Variants in CACNA2D3 observed in about 807,000 individuals in gnomAD.
CACNA2D3 encodes voltage-dependent calcium channel subunit alpha-2/delta-3.
In CACNA2D3, 60 loss-of-function variants were observed where a neutral mutation model predicts 160.6. The ratio of observed to expected loss-of-function variants is 0.37; its 90% CI spans 0.30 to 0.46. The LOEUF is 0.46. Among genes scored for constraint, CACNA2D3 ranks in the 20% least tolerant of loss-of-function variants. The probability of loss-of-function intolerance (pLI) is 1.00; values close to 1 mark genes in which losing one functional copy is unlikely to be tolerated. For synonymous variants in CACNA2D3, 558 were observed against 492.9 expected, an observed-to-expected ratio of 1.13 and a Z score of -1.75; for missense variants, 1,205 against 1,365.0, an observed-to-expected ratio of 0.88 and a Z score of 1.85.
intron 11 of CACNA2D3, among the ~76,000 whole-genome samples, chr3:54,715,435 GT>G (rs1559556830): frequency 6.6e-6 from 1 of 152,058 alleles, no homozygotes; most frequent in African/African-American, 2.4e-5. Flanking sequence ...TTGAGACTGA[GT>G]TTTTTATGAA....
chr3:54,434,985 A>G (rs1700039876), intron 4 of CACNA2D3, among the ~76,000 whole-genome samples: 1 of 152,130 alleles, frequency 6.6e-6, no homozygotes, highest in African/African-American at 2.4e-5. Flanking sequence ...CATACTTCTA[A>G]TGGACATGTA....
At chr3:54,855,987 C>T (rs1252527628) in intron 17 of CACNA2D3, among the ~76,000 whole-genome samples, 1 of 152,170 alleles carries the variant, frequency 6.6e-6, no homozygotes, top group East Asian at 1.9e-4. Flanking sequence ...GTCCCCATTC[C>T]TCAAGTCTTC....
intron 5 of CACNA2D3, among the ~76,000 whole-genome samples, chr3:54,507,237 T>C (rs1199315617): frequency 6.6e-6 from 1 of 152,202 alleles, no homozygotes; most frequent in African/African-American, 2.4e-5. Flanking sequence ...TGTATTTCAC[T>C]GTTTTTATTC....
At chr3:54,354,237 C>T (rs1698611637) in intron 3 of CACNA2D3, among the ~76,000 whole-genome samples, 2 of 152,158 alleles carry the variant, frequency 1.3e-5, no homozygotes, top group South Asian at 2.1e-4. Context: ...TATGAGTCTG[C>T]TGCAAACACC....
rs536400069 is a variant in CACNA2D3 at position 54,222,177 on chromosome 3, C to T, written c.205-98265C>T. On this transcript the variant is annotated intron_variant, in intron 2 of 37. Transcript: ENST00000474759. ...TATAAGGAATGGGCTTATGCAATTA[C>T]GGAGGCTGACAAGTTTCAAGATCTG... 1.4e-3 allele frequency among the ~76,000 whole-genome samples: 209 copies of T among 152,298 alleles called. 3 individuals carry two copies. The highest frequency in any genetic ancestry group is 2.2e-3 in the Admixed American group (33 of 15,304).
At chr3:55,065,406 T>C (rs1284750137) in intron 35 of CACNA2D3, among the ~76,000 whole-genome samples, 1 of 152,196 alleles carries the variant, frequency 6.6e-6, no homozygotes, top group Non-Finnish European at 1.5e-5. Flanking sequence ...CAAGCTTATT[T>C]GGCTTAGAAA....
chr3:54,228,650 T>C (rs1701716001), intron 2 of CACNA2D3, among the ~76,000 whole-genome samples: 1 of 152,226 alleles, frequency 6.6e-6, no homozygotes, highest in East Asian at 1.9e-4. Context: ...CCATTTTATC[T>C]GCAACTTTAT....
intron 11 of CACNA2D3, among the ~76,000 whole-genome samples, chr3:54,672,759 T>C (rs1269852413): frequency 2.0e-5 from 3 of 152,112 alleles, no homozygotes; most frequent in Non-Finnish European, 2.9e-5. Context: ...GGCTGTCCCG[T>C]GTGTGAGTTA....
At chr3:54,250,880 T>C (rs986362097) in intron 2 of CACNA2D3, among the ~76,000 whole-genome samples, 3 of 152,018 alleles carry the variant, frequency 2.0e-5, no homozygotes, top group Non-Finnish European at 4.4e-5. Flanking sequence ...AGAGGCAATA[T>C]GCCAGACAGC....
intron 4 of CACNA2D3, among the ~76,000 whole-genome samples, chr3:54,478,461 T>C (rs1473617349): frequency 6.6e-6 from 1 of 151,266 alleles, no homozygotes; most frequent in Non-Finnish European, 1.5e-5. Context: ...TGAAACCCTG[T>C]CTCTACTAAA....
At chr3:54,302,946 G>A (rs1303661436) in intron 2 of CACNA2D3, among the ~76,000 whole-genome samples, 1 of 152,008 alleles carries the variant, frequency 6.6e-6, no homozygotes, top group Non-Finnish European at 1.5e-5. Flanking sequence ...TCCTCCGAGT[G>A]TAAGGTGTGG....
chr3:54,935,484 A>C (rs1701304820), intron 27 of CACNA2D3, among the ~76,000 whole-genome samples: 1 of 152,208 alleles, frequency 6.6e-6, no homozygotes, highest in Non-Finnish European at 1.5e-5. Flanking sequence ...GGATCAAGAA[A>C]CATGGCAGCT....
chr3:54,284,799 T>G (rs1043301420), intron 2 of CACNA2D3, among the ~76,000 whole-genome samples: 1 of 152,152 alleles, frequency 6.6e-6, no homozygotes, highest in African/African-American at 2.4e-5. Flanking sequence ...TAAAAGATGT[T>G]CTAAAATAAG....
intron 31 of CACNA2D3, among the ~76,000 whole-genome samples, chr3:54,997,323 C>A (rs1702880016): frequency 6.6e-6 from 1 of 152,076 alleles, no homozygotes; most frequent in East Asian, 1.9e-4. Context: ...CATTAGAATT[C>A]CTTAGGGAGC....
chr3:54,559,508 T>C (rs1006622373), intron 5 of CACNA2D3, among the ~76,000 whole-genome samples: 3 of 151,978 alleles, frequency 2.0e-5, no homozygotes, highest in African/African-American at 7.2e-5. Flanking sequence ...GGCCAGGCTG[T>C]CCTCGAACTC....
chr3:54,156,392 C>G (rs75400206), intron 2 of CACNA2D3, among the ~76,000 whole-genome samples: 2,604 of 152,316 alleles, frequency 0.017, 36 homozygotes, highest in Non-Finnish European at 0.027. Context: ...CCGTCAGTCA[C>G]TGGATGAGAG....
intron 11 of CACNA2D3, among the ~76,000 whole-genome samples, chr3:54,711,236 G>A (rs1360227623): frequency 6.6e-6 from 1 of 152,188 alleles, no homozygotes; most frequent in East Asian, 1.9e-4. Flanking sequence ...GTAAGACTGT[G>A]CCTCAGCGCT....
At chr3:55,003,353 TG>T (rs897293116) in intron 31 of CACNA2D3, among the ~76,000 whole-genome samples, 4 of 152,148 alleles carry the variant, frequency 2.6e-5, no homozygotes, top group African/African-American at 9.7e-5. Flanking sequence ...CTTTCAAGCA[TG>T]GGATAAGATG....
intron 35 of CACNA2D3, among the ~76,000 whole-genome samples, chr3:55,030,597 G>T (rs1236095670): frequency 6.6e-6 from 1 of 152,166 alleles, no homozygotes; most frequent in Non-Finnish European, 1.5e-5. Context: ...TAAGATGAAA[G>T]TGGGGTCCAA....
Sources: allele counts gnomAD v4.1 joint callset (sites outside exome capture counted in the v4.1 genomes callset), GRCh38; gene constraint gnomAD v4.1.1; transcripts MANE v1.5; gene names NCBI Gene and HGNC (gene_info 2026-07-23, HGNC 2026-07-21).